The following CAMKK2 variants were observed in gnomAD, a reference collection of about 807,000 sequenced individuals.
CAMKK2 encodes the protein calcium/calmodulin-dependent protein kinase kinase 2.
In CAMKK2, 30 loss-of-function variants were observed where a neutral mutation model predicts 67.2. That is an observed-to-expected ratio of 0.45 (90% CI 0.33 to 0.61). CAMKK2 has a LOEUF of 0.61. CAMKK2 is among the 20% of genes least tolerant of loss of function. The pLI, the probability that CAMKK2 is intolerant of heterozygous loss-of-function variation, is 0.02. For synonymous variants in CAMKK2, 322 were observed against 326.2 expected (o/e 0.99, Z 0.14); for missense variants, 643 against 802.0 (o/e 0.80, Z 2.39).
intron 1 of CAMKK2, among the ~76,000 whole-genome samples, chr12:121,292,178 T>G (rs994681658): frequency 6.6e-5 from 10 of 151,498 alleles, no homozygotes; most frequent in African/African-American, 2.4e-4. Flanking sequence ...CAGGCAGGAG[T>G]GCAGTGGCAC....
intron 8 of CAMKK2, 36 bp from the exon 9 acceptor site, chr12:121,255,674 A>AC: frequency 6.2e-7 from 1 of 1,604,372 alleles, no homozygotes; most frequent in Non-Finnish European, 8.5e-7. Context: ...CACAAAGCAG[A>AC]CCCGCCAGCC....
chr12:121,248,514 CCCGGGCACCCGCCTGTGT>C, intron 14 of CAMKK2, 74 bp downstream of exon 14: 2 of 1,504,780 alleles, frequency 1.3e-6, no homozygotes, highest in South Asian at 2.4e-5. Flanking sequence ...ACATCTGACT[CCCGGGCACCCGCCTGTGT>C]CCGGCCTGTC....
At chr12:121,242,147 C>T (rs1593253067) in intron 16 of CAMKK2, among the ~76,000 whole-genome samples, 1 of 152,204 alleles carries the variant, frequency 6.6e-6, no homozygotes, top group East Asian at 1.9e-4. Context: ...GCCTGGCCAA[C>T]ATGGTGAAAC....
At chr12:121,261,616 G>A (rs1300726640) in intron 6 of CAMKK2, among the ~76,000 whole-genome samples, 1 of 152,206 alleles carries the variant, frequency 6.6e-6, no homozygotes, top group African/African-American at 2.4e-5. Context: ...TGTGGGGAAG[G>A]CACACCCAGG....
chr12:121,274,076 C>T lies in CAMKK2; in HGVS notation c.451G>A (p.Val151Ile), dbSNP rs201742753. The change falls in exon 2 of 17, where the codon GTC becomes ATC. Residue 151 changes from valine (V) to isoleucine (I), a missense_variant. Physicochemically the swap from Val to Ile is conservative, Grantham distance 29. Transcript: ENST00000404169. ...CGCACCTGCATACCCGTGATGGAGA[C>T]GTGGTGAGACTCCACTGTCGGCCGC... The part of the protein sequence containing the change: ...PRRPTVESHH[V>I]SITGMQDCVQ... 8 of 1,513,842 alleles carry T rather than the reference C, an allele frequency of 5.3e-6. 1 individual carries two copies. In the East Asian group the frequency reaches 9.2e-5, roughly 17 times the overall value. The allele number at this position is 1,513,842 out of a possible 1,614,324, so 93.8% of individuals were successfully genotyped here.
At chr12:121,288,810 C>A (rs1479213820) in intron 1 of CAMKK2, among the ~76,000 whole-genome samples, 1 of 150,912 alleles carries the variant, frequency 6.6e-6, no homozygotes, top group Non-Finnish European at 1.5e-5. Context: ...CAACTGCCAT[C>A]TCTCAACTAT....
intron 1 of CAMKK2, among the ~76,000 whole-genome samples, chr12:121,287,295 C>G (rs1445560301): frequency 6.6e-6 from 1 of 152,200 alleles, no homozygotes; most frequent in East Asian, 1.9e-4. Context: ...TGTCCATATG[C>G]ATCACATTTT....
chr12:121,260,837 C>T (rs1025006703), intron 6 of CAMKK2, among the ~76,000 whole-genome samples: 5 of 151,790 alleles, frequency 3.3e-5, no homozygotes, highest in Non-Finnish European at 7.4e-5. Flanking sequence ...CTGAGTAATC[C>T]ACCTACTCAG....
chr12:121,239,633 G>T lies in CAMKK2; in HGVS notation c.*1066C>A, dbSNP rs1888016107. The T allele has an allele frequency of 6.6e-6, 1 of 152,168 alleles. No homozygotes were observed. The highest frequency in any genetic ancestry group is 1.5e-5 in the Non-Finnish European group (1 of 68,036). 9.4% of individuals were successfully genotyped at this position (152,168 alleles called of 1,614,324 possible). On this transcript the variant is annotated 3_prime_UTR_variant, in exon 17 of 17. Coordinates refer to ENST00000404169, the MANE Select transcript of CAMKK2 (RefSeq NM_001270485.2). ...GGTATTTCATTGACCACAACAATCA[G>T]CTAGGATTTAAAATGAAAACAAAAC...
intron 5 of CAMKK2, among the ~76,000 whole-genome samples, chr12:121,267,865 C>T (rs971070431): frequency 6.6e-6 from 1 of 151,920 alleles, no homozygotes; most frequent in Non-Finnish European, 1.5e-5. Context: ...ATTCACCCCT[C>T]ATTTCCCCTG....
At chr12:121,290,871 T>G (rs11614587) in intron 1 of CAMKK2, among the ~76,000 whole-genome samples, 5,855 of 152,212 alleles carry the variant, frequency 0.038, 143 homozygotes, top group Middle Eastern at 0.088. Context: ...CAGGCTGGAG[T>G]GCAGTCACAC....
intron 11 of CAMKK2, 96 bp from the exon 12 acceptor site, chr12:121,250,130 G>C: frequency 1.0e-6 from 1 of 952,512 alleles, no homozygotes; most frequent in Non-Finnish European, 1.6e-6. Flanking sequence ...GGATACAGCA[G>C]AGAAATCAAC....
intron 16 of CAMKK2, among the ~76,000 whole-genome samples, chr12:121,242,792 G>T (rs1888627625): frequency 1.3e-5 from 2 of 152,276 alleles, no homozygotes; most frequent in African/African-American, 2.4e-5. Flanking sequence ...GCCCAGGCTG[G>T]AGTGCTGTGG....
chr12:121,266,996 C>T (rs916169405), intron 5 of CAMKK2, among the ~76,000 whole-genome samples: 8 of 130,028 alleles, frequency 6.2e-5, no homozygotes, highest in Non-Finnish European at 1.1e-4. Context: ...AACTGGTCTC[C>T]ATGATGAGCC....
At chr12:121,289,529 G>A (rs1282544946) in intron 1 of CAMKK2, among the ~76,000 whole-genome samples, 1 of 152,146 alleles carries the variant, frequency 6.6e-6, no homozygotes, top group East Asian at 1.9e-4. Flanking sequence ...ATTCGGAAAT[G>A]CTTTCCATCC....
intron 2 of CAMKK2, among the ~76,000 whole-genome samples, chr12:121,273,551 G>A (rs561521131): frequency 1.3e-5 from 2 of 152,144 alleles, no homozygotes; most frequent in South Asian, 2.1e-4. Context: ...TCGGCCAGGC[G>A]GGTCGTCGCC....
At chr12:121,292,765 C>T (rs1900319709) in intron 1 of CAMKK2, among the ~76,000 whole-genome samples, 1 of 151,976 alleles carries the variant, frequency 6.6e-6, no homozygotes, top group Non-Finnish European at 1.5e-5. Context: ...TCCAGGAGTT[C>T]GAGACCAGCC....
chr12:121,297,122 G>T (rs1901445277), upstream of CAMKK2: 1 of 154,822 alleles, frequency 6.5e-6, no homozygotes, highest in Non-Finnish European at 1.4e-5. Flanking sequence ...CACCTGCCCA[G>T]GTTCTTCCCG....
In CAMKK2 at chr12:121,240,108, T is replaced by C. The variant is rs2136111533; in HGVS notation, c.*591A>G. 1 of 281,310 alleles carries C rather than the reference T, an allele frequency of 3.6e-6. No homozygotes were observed. Among genetic ancestry groups the C allele is most frequent in the Admixed American group, 4.8e-5 (1 of 20,852 alleles). The allele number at this position is 281,310 out of a possible 1,614,324, so 17.4% of individuals were successfully genotyped here. On this transcript the variant is annotated 3_prime_UTR_variant, in exon 17 of 17. Transcript: ENST00000404169. The surrounding 1 kb of genome is among the most constrained non-coding windows in gnomAD (Gnocchi z 4.4). ...GCCCTTTCTGTTTTCCTGACTACAA[T>C]TCTACCCATAAAAAATTTAAAAATC... is the stretch of plus-strand genomic sequence containing the variant.
Sources: gnomAD v4.1 joint callset for allele counts (sites outside exome capture counted in the v4.1 genomes callset) on GRCh38, gnomAD v4.1.1 for gene constraint, Gnocchi (gnomAD v3.1) non-coding constraint, MANE v1.5 for transcripts, NCBI Gene and HGNC (gene_info 2026-07-23, HGNC 2026-07-21) for gene names.